The following FLT4 variants were observed in gnomAD, a reference collection of about 807,000 sequenced individuals.
The protein encoded by FLT4 is vascular endothelial growth factor receptor 3.
In FLT4, 30 loss-of-function variants were observed where a neutral mutation model predicts 163.2. The ratio of observed to expected loss-of-function variants is 0.18; its 90% CI spans 0.14 to 0.25. FLT4 has a LOEUF of 0.25. FLT4 is among the 10% of genes least tolerant of loss of function. The probability of loss-of-function intolerance (pLI) is 1.00; values close to 1 mark genes in which losing one functional copy is unlikely to be tolerated. For missense variants in FLT4, 1,510 were observed against 1,863.8 expected (o/e 0.81, Z 3.50); for synonymous variants, 884 against 789.5 (o/e 1.12, Z -2.01).
intron 1 of FLT4, among the ~76,000 whole-genome samples, chr5:180,643,794 G>T (rs535738785): frequency 1.6e-4 from 24 of 151,732 alleles, no homozygotes; most frequent in Non-Finnish European, 3.2e-4. Flanking sequence ...ATAGCTCTGT[G>T]GAGCGGCCGG....
intron 24 of FLT4, 117 bp downstream of exon 24, chr5:180,613,951 G>T: frequency 1.3e-6 from 1 of 787,208 alleles, no homozygotes; most frequent in Non-Finnish European, 2.2e-6. Context: ...ACCTGCTTCA[G>T]AACGACCTGG....
intron 24 of FLT4, chr5:180,613,708 A>C (rs1162886077): frequency 2.5e-6 from 1 of 392,564 alleles, no homozygotes; most frequent in East Asian, 5.6e-5. Context: ...TGGAGACTTC[A>C]TCATGCTCGC....
chr5:180,638,090 T>C (rs1471986472), intron 1 of FLT4, among the ~76,000 whole-genome samples: 3 of 152,108 alleles, frequency 2.0e-5, no homozygotes, highest in Non-Finnish European at 2.9e-5. Flanking sequence ...ATCTGTGACC[T>C]ACCTCTCCCC....
chr5:180,616,509 CA>C lies in FLT4; in HGVS notation c.3097-21del. ...GATGCACTGGGGTGCGGGGAGGCGG[CA>C]GGGGGGCTGTCAGTGCAGGCCCCTG... On this transcript the variant is annotated intron_variant, in intron 22 of 29. Transcript: ENST00000261937. The C allele has an allele frequency of 6.2e-7, 1 of 1,613,184 alleles. No individual in the cohort carries two copies. Among genetic ancestry groups the C allele is most frequent in the African/African-American group, 1.3e-5 (1 of 75,052 alleles).
rs1323315796 is a variant in FLT4, at chr5:180,623,497, G to A, written c.1548+438C>T. Among the ~76,000 whole-genome samples the A allele has an allele frequency of 1.3e-5, 2 of 151,632 alleles. No individual in the cohort carries two copies. The highest frequency in any genetic ancestry group is 2.1e-4 in the South Asian group (1 of 4,772). ...CAGGACTGGAACAGGAAGAGGCTCT[G>A]GAGGTGTGTAGGAAAACAGGAAGTG... On this transcript the variant is annotated intron_variant, in intron 11 of 29. Coordinates refer to ENST00000261937, the MANE Select transcript of FLT4 (RefSeq NM_182925.5). The surrounding 1 kb of genome is among the most constrained non-coding windows in gnomAD (Gnocchi z 5.8).
chr5:180,641,872 C>T (rs112833499), intron 1 of FLT4, among the ~76,000 whole-genome samples: 63 of 152,268 alleles, frequency 4.1e-4, no homozygotes, highest in African/African-American at 1.5e-3. Flanking sequence ...GTGGATTGGC[C>T]CTAGGATGAC....
chr5:180,640,361 G>T (rs1765012957), intron 1 of FLT4, among the ~76,000 whole-genome samples: 1 of 152,218 alleles, frequency 6.6e-6, no homozygotes, highest in African/African-American at 2.4e-5. Flanking sequence ...CTGAGTCCAG[G>T]TCGGTCCCTG....
chr5:180,629,228 G>C (rs1253095849), intron 7 of FLT4, 31 bp downstream of exon 7: 3 of 1,611,872 alleles, frequency 1.9e-6, no homozygotes, highest in Middle Eastern at 1.8e-4. Context: ...AGGCCCACAG[G>C]GCACAAGGAC....
intron 1 of FLT4, among the ~76,000 whole-genome samples, chr5:180,642,933 A>G (rs72818992): frequency 0.057 from 8,668 of 152,272 alleles, 371 homozygotes; most frequent in Non-Finnish European, 0.077. Flanking sequence ...GCATGTGTGC[A>G]TTCCACATGC....
At chr5:180,628,281 A>C (rs1170349371) in intron 8 of FLT4, among the ~76,000 whole-genome samples, 1 of 152,172 alleles carries the variant, frequency 6.6e-6, no homozygotes, top group East Asian at 1.9e-4. Context: ...ATGCCCCCCC[A>C]GAGCCTGCAG....
chr5:180,644,014 G>A (rs990776981), intron 1 of FLT4, among the ~76,000 whole-genome samples: 1 of 152,128 alleles, frequency 6.6e-6, no homozygotes, highest in African/African-American at 2.4e-5. Flanking sequence ...TAGAGATGGG[G>A]TTTCACCGTG....
intron 1 of FLT4, among the ~76,000 whole-genome samples, chr5:180,649,161 G>C (rs1277086167): frequency 6.6e-6 from 1 of 151,852 alleles, no homozygotes; most frequent in Admixed American, 6.6e-5. Flanking sequence ...GAAGGATCCG[G>C]GCTCAGCGCG....
intron 1 of FLT4, among the ~76,000 whole-genome samples, chr5:180,641,945 A>T (rs1018193141): frequency 2.6e-5 from 4 of 152,162 alleles, no homozygotes; most frequent in Admixed American, 6.5e-5. Context: ...ACAGTGGCTC[A>T]CGCCTGTAAT....
chr5:180,622,143 C>G (rs1763199765), intron 12 of FLT4, among the ~76,000 whole-genome samples: 1 of 152,186 alleles, frequency 6.6e-6, no homozygotes, highest in Non-Finnish European at 1.5e-5. Flanking sequence ...CATGCTCAGC[C>G]TGAAATAACG....
chr5:180,608,170 T>C, intron 29 of FLT4: 1 of 700,224 alleles, frequency 1.4e-6, no homozygotes, highest in Non-Finnish European at 2.6e-6. Context: ...CTTTGAAGTT[T>C]GTAGTAGATA....
Position 180,631,709 on chromosome 5 carries a change from G to T in FLT4, c.128C>A (p.Thr43Asn), listed in dbSNP as rs769119787. ...NITEESHVID[T>N]GDSLSISCRG... ...GCAGGAGATGGACAGGCTGTCACCG[G>T]TGTCGATGACGTGTGACTCCTCCGT... Residue 43 changes from threonine (T) to asparagine (N), a missense_variant, in exon 2 of 30, where the codon ACC becomes AAC. Coordinates refer to ENST00000261937, the MANE Select transcript of FLT4 (RefSeq NM_182925.5). 1 of 1,610,516 alleles carries T rather than the reference G, an allele frequency of 6.2e-7. No individual in the cohort carries two copies. The highest frequency in any genetic ancestry group is 1.1e-5 in the South Asian group (1 of 91,078).
rs371600700 is a variant in FLT4 at position 180,634,396 on chromosome 5, G to A, written c.59-2618C>T. ...CAGAGATGTGCAAAGGAGATTCAAC[G>A]GGTGGATATAAGAAAGGATGGATGG... On this transcript the variant is annotated intron_variant, in intron 1 of 29. Coordinates refer to ENST00000261937, the MANE Select transcript of FLT4 (RefSeq NM_182925.5). 1.0e-3 allele frequency among the ~76,000 whole-genome samples: 153 copies of A among 152,226 alleles called. 3 individuals are homozygous for A. In the Middle Eastern group the frequency reaches 0.02, roughly 20 times the overall value.
At position 180,603,135 on chromosome 5, in the gene FLT4, T is replaced by C; in HGVS notation, c.*57A>G. 5.1e-6 allele frequency: 8 copies of C among 1,570,330 alleles called. No individual in the cohort carries two copies. Among genetic ancestry groups the C allele is most frequent in the Non-Finnish European group, 7.0e-6 (8 of 1,143,820 alleles). On this transcript the variant is annotated 3_prime_UTR_variant, in exon 30 of 30. Coordinates refer to ENST00000261937, the MANE Select transcript of FLT4 (RefSeq NM_182925.5). ...AGTTCCCAGCCTGGGCCTCCAGCCC[T>C]CTGCCCGCCCTGCCGGGCCTGAACC...
At chr5:180,644,718 GGCCCACTGCCGGACAC>G (rs1445961801) in intron 1 of FLT4, among the ~76,000 whole-genome samples, 2 of 152,254 alleles carry the variant, frequency 1.3e-5, no homozygotes, top group African/African-American at 4.8e-5. Context: ...ACGGAGGTGT[GGCCCACTGCCGGACAC>G]GCCACATCTG....
Sources: allele counts gnomAD v4.1 joint callset (sites outside exome capture counted in the v4.1 genomes callset), GRCh38; gene constraint gnomAD v4.1.1; non-coding constraint Gnocchi (gnomAD v3.1); transcripts MANE v1.5; gene names NCBI Gene and HGNC (gene_info 2026-07-23, HGNC 2026-07-21).